Variants in SEC14L1 observed in about 807,000 individuals in gnomAD.
The protein encoded by SEC14L1 is SEC14 like lipid binding 1.
A neutral mutation model predicts 85.3 loss-of-function variants in SEC14L1; 48 were observed. The observed-to-expected ratio is 0.56, with a 90% CI of 0.45 to 0.72. The LOEUF (loss-of-function observed/expected upper bound fraction) is 0.72. SEC14L1 is among the 30% of genes least tolerant of loss of function. SEC14L1 has a pLI of 0.00. For missense variants in SEC14L1, 682 were observed against 921.4 expected, an observed-to-expected ratio of 0.74 and a Z score of 3.36; for synonymous variants, 391 against 355.5, an observed-to-expected ratio of 1.10 and a Z score of -1.12.
chr17:77,103,708 C>CTGGGA (rs1555613854), intron 3 of SEC14L1, among the ~76,000 whole-genome samples: 1 of 145,056 alleles, frequency 6.9e-6, no homozygotes, highest in Non-Finnish European at 1.5e-5. Context: ...TCCCAAAGTG[C>CTGGGA]TTCTCCATGG....
intron 1 of SEC14L1, 97 bp downstream of exon 1, chr17:77,141,204 G>A (rs1973008076): frequency 6.7e-6 from 1 of 149,376 alleles, no homozygotes; most frequent in Non-Finnish European, 1.5e-5. Flanking sequence ...CGGAACTCCC[G>A]GCCGCCCGCT....
chr17:77,159,430 G>T (rs1205805171), intron 3 of SEC14L1, among the ~76,000 whole-genome samples: 1 of 149,138 alleles, frequency 6.7e-6, no homozygotes, highest in Non-Finnish European at 1.5e-5. Context: ...GCCCAGGCTG[G>T]AGTGCAGTGG....
At chr17:77,099,783 G>A (rs754257726) in intron 3 of SEC14L1, among the ~76,000 whole-genome samples, 2 of 152,076 alleles carry the variant, frequency 1.3e-5, no homozygotes, top group African/African-American at 2.4e-5. Flanking sequence ...CCTAAGGTAC[G>A]TGAGTCTCCT....
chr17:77,107,877 A>G (rs1482800081), intron 3 of SEC14L1, among the ~76,000 whole-genome samples: 1 of 152,198 alleles, frequency 6.6e-6, no homozygotes, highest in Non-Finnish European at 1.5e-5. Context: ...TTTAGCCCAC[A>G]GTCTCTGAAC....
At chr17:77,171,162 G>T (rs1389112028) in intron 3 of SEC14L1, among the ~76,000 whole-genome samples, 1 of 152,028 alleles carries the variant, frequency 6.6e-6, no homozygotes, top group Non-Finnish European at 1.5e-5. Context: ...CCTAGCAAGG[G>T]TATAGATTTC....
At position 77,215,944 on chromosome 17, in the gene SEC14L1, C is replaced by T. The variant is rs1392915115; in HGVS notation, c.*1921C>T. On this transcript the variant is annotated 3_prime_UTR_variant, in exon 17 of 17. Transcript: ENST00000436233. ...GTAGGTAGGGTTCGTAGGTAGGGTT[C>T]GTAGGTAGGGTTAGGTAGGGTTCGT... 3.2e-6 allele frequency: 3 copies of T among 923,564 alleles called. No individual in the cohort carries two copies. The highest frequency in any genetic ancestry group is 2.5e-5 in the African/African-American group (1 of 40,452). The allele number at this position is 923,564 out of a possible 1,614,324, so 57.2% of individuals were successfully genotyped here.
chr17:77,169,646 T>C (rs191545235), intron 3 of SEC14L1, among the ~76,000 whole-genome samples: 1 of 152,134 alleles, frequency 6.6e-6, no homozygotes, highest in Admixed American at 6.5e-5. Context: ...CGTCATGGGG[T>C]ATGGAAAGAA....
Position 77,214,721 on chromosome 17 carries a change from T to C in SEC14L1, c.*698T>C, listed in dbSNP as rs988914513. 2.0e-6 allele frequency: 2 copies of C among 985,536 alleles called. No homozygotes were observed. The highest frequency in any genetic ancestry group is 2.4e-6 in the Non-Finnish European group (2 of 830,000). The allele number at this position is 985,536 out of a possible 1,614,324, so 61.0% of individuals were successfully genotyped here. ...AACATTACTTTCTCTTTCCTCCTTT[T>C]CAAATCTTTTTGATACTTTTTAGAG... On this transcript the variant is annotated 3_prime_UTR_variant, in exon 17 of 17. Coordinates refer to ENST00000436233, the MANE Select transcript of SEC14L1 (RefSeq NM_001143998.2).
chr17:77,176,551 C>T (rs1974767032), intron 3 of SEC14L1, among the ~76,000 whole-genome samples: 2 of 152,180 alleles, frequency 1.3e-5, no homozygotes, highest in African/African-American at 4.8e-5. Flanking sequence ...ATTTTTTCCC[C>T]ACTGGATGTC....
intron 3 of SEC14L1, among the ~76,000 whole-genome samples, chr17:77,182,549 GAAATAATTTTTCCTTT>G (rs1235598629): frequency 6.6e-6 from 1 of 152,194 alleles, no homozygotes; most frequent in East Asian, 1.9e-4. Context: ...TTGTCTTACA[GAAATAATTTTTCCTTT>G]AAAAAGGATA....
chr17:77,140,620 C>T (rs113670313), upstream of SEC14L1: 4,439 of 152,618 alleles, frequency 0.029, 215 homozygotes, highest in African/African-American at 0.1. Context: ...CGCCGGCAGC[C>T]CCTTGGGGCT....
intron 3 of SEC14L1, among the ~76,000 whole-genome samples, chr17:77,149,454 G>A (rs1340005403): frequency 2.6e-5 from 4 of 152,190 alleles, no homozygotes; most frequent in Non-Finnish European, 4.4e-5. Flanking sequence ...GAGAACTTGG[G>A]AGGGTGAGTT....
chr17:77,212,858 C>T lies in SEC14L1; in HGVS notation c.1864-456C>T, dbSNP rs762964124. 6.4e-4 allele frequency: 111 copies of T among 173,926 alleles called. No individual in the cohort carries two copies. In the Middle Eastern group the frequency reaches 8.3e-3, roughly 13 times the overall value. 10.8% of individuals were successfully genotyped at this position (173,926 alleles called of 1,614,324 possible). ...AGCTGTGTTAACCAGTCATGAATTTCGGAGAGAATGGAGAAGGAGCTTTCC... is the reference window on the plus strand; with the variant it reads ...AGCTGTGTTAACCAGTCATGAATTTTGGAGAGAATGGAGAAGGAGCTTTCC... On this transcript the variant is annotated intron_variant, in intron 15 of 16. Transcript: ENST00000436233.
intron 3 of SEC14L1, among the ~76,000 whole-genome samples, chr17:77,183,167 C>G (rs773504318): frequency 1.3e-5 from 2 of 152,210 alleles, no homozygotes; most frequent in Non-Finnish European, 2.9e-5. Flanking sequence ...GTCATAAAAG[C>G]AGGTTTTATT....
intron 13 of SEC14L1, 66 bp from the exon 14 acceptor site, chr17:77,209,276 T>G: frequency 6.3e-7 from 1 of 1,591,038 alleles, no homozygotes; most frequent in Non-Finnish European, 8.6e-7. Context: ...TGCTGGCCGG[T>G]GTGTCTGGGT....
intron 3 of SEC14L1, among the ~76,000 whole-genome samples, chr17:77,107,525 A>G (rs186759084): frequency 6.6e-6 from 1 of 152,336 alleles, no homozygotes; most frequent in Non-Finnish European, 1.5e-5. Flanking sequence ...GACATAGATG[A>G]AAAGGAGAGA....
chr17:77,144,099 A>G (rs1448137476), intron 3 of SEC14L1, among the ~76,000 whole-genome samples: 2 of 152,154 alleles, frequency 1.3e-5, no homozygotes, highest in African/African-American at 2.4e-5. Context: ...TCACGATTCA[A>G]ATGACTCTGT....
At chr17:77,191,103 C>A in intron 4 of SEC14L1, 78 bp from the exon 5 acceptor site, 1 of 1,538,054 alleles carries the variant, frequency 6.5e-7, no homozygotes, top group Non-Finnish European at 8.9e-7. Context: ...CCCCCAGAGA[C>A]AACATGAACT....
At chr17:77,138,073 G>A (rs909195509), upstream of SEC14L1, among the ~76,000 whole-genome samples, 2 of 152,124 alleles carry the variant, frequency 1.3e-5, no homozygotes, top group African/African-American at 4.8e-5. Context: ...AAATCATAGG[G>A]AGTCGGAGCT....
Sources: allele counts gnomAD v4.1 joint callset (sites outside exome capture counted in the v4.1 genomes callset), GRCh38; gene constraint gnomAD v4.1.1; transcripts MANE v1.5; gene names NCBI Gene and HGNC (gene_info 2026-07-23, HGNC 2026-07-21).